The following SLC39A8 variants were observed in gnomAD, a reference collection of about 807,000 sequenced individuals.
The protein encoded by SLC39A8 is solute carrier family 39 member 8.
SLC39A8 carries 15 observed loss-of-function variants against 40.4 expected under a neutral mutation model. The ratio of observed to expected loss-of-function variants is 0.37; its 90% CI spans 0.25 to 0.57. The LOEUF is 0.57. SLC39A8 is among the 20% of genes least tolerant of loss of function. The probability of loss-of-function intolerance (pLI) is 0.75; values close to 1 mark genes in which losing one functional copy is unlikely to be tolerated. For missense variants in SLC39A8, 472 were observed against 558.8 expected (o/e 0.84, Z 1.57); for synonymous variants, 223 against 221.6 (o/e 1.01, Z -0.06).
chr4:102,342,216 T>C lies in SLC39A8; in HGVS notation c.219+2228A>G, dbSNP rs1009082274. On this transcript the variant is annotated intron_variant, in intron 2 of 8. Coordinates refer to ENST00000356736, the MANE Select transcript of SLC39A8 (RefSeq NM_001135146.2). ...GTCATCATTAGGACTTTTTAGAACA[T>C]CAGGCAAGGTACCGTGGCTCATGCC... Among the ~76,000 whole-genome samples the C allele has an allele frequency of 2.6e-5, 4 of 152,192 alleles. No individual in the cohort carries two copies. The South Asian group carries it at 8.3e-4, about 32-fold the overall frequency.
Position 102,315,733 on chromosome 4 carries a change from T to C in SLC39A8, c.317A>G (p.Gln106Arg). The C allele has an allele frequency of 6.2e-7, 1 of 1,613,452 alleles. No individual in the cohort carries two copies. The highest frequency in any genetic ancestry group is 8.5e-7 in the Non-Finnish European group (1 of 1,179,582). ...KFSVICPAVL[Q>R]QLNFHPCEDR... ...CTCACATGGGTGAAAGTTCAATTGCTGTAAGACTGCTGGACAGATGACAGA... is the reference window on the plus strand; with the variant it reads ...CTCACATGGGTGAAAGTTCAATTGCCGTAAGACTGCTGGACAGATGACAGA... Residue 106 changes from glutamine to arginine, a missense_variant, in exon 3 of 9, where the codon CAG becomes CGG. Gln to Arg is a conservative substitution (Grantham distance 43). Transcript: ENST00000356736.
At chr4:102,271,641 T>A (rs899834494) in intron 6 of SLC39A8, among the ~76,000 whole-genome samples, 6 of 152,152 alleles carry the variant, frequency 3.9e-5, no homozygotes, top group Non-Finnish European at 7.4e-5. Context: ...TCCACTGGAT[T>A]CCTCCCATTA....
At chr4:102,340,575 G>T (rs1050994894) in intron 2 of SLC39A8, among the ~76,000 whole-genome samples, 6 of 152,188 alleles carry the variant, frequency 3.9e-5, no homozygotes, top group African/African-American at 1.4e-4. Context: ...GACCAAATCA[G>T]AAAAGGACTT....
downstream of SLC39A8, chr4:102,259,565 G>T: frequency 1.5e-6 from 2 of 1,344,862 alleles, no homozygotes; most frequent in Non-Finnish European, 2.1e-6. Flanking sequence ...ATATAAATAG[G>T]AAATCAGTGA....
chr4:102,274,596 A>G (rs1732529222), intron 6 of SLC39A8, among the ~76,000 whole-genome samples: 1 of 152,212 alleles, frequency 6.6e-6, no homozygotes, highest in Non-Finnish European at 1.5e-5. Flanking sequence ...CAGGAAATAC[A>G]GAGAACACCA....
intron 3 of SLC39A8, among the ~76,000 whole-genome samples, chr4:102,311,094 T>C (rs1734407094): frequency 6.6e-6 from 1 of 152,078 alleles, no homozygotes; most frequent in Admixed American, 6.6e-5. Flanking sequence ...TGAAACTGTA[T>C]AGAATGGTGT....
chr4:102,330,795 T>C (rs1475687319), intron 2 of SLC39A8, among the ~76,000 whole-genome samples: 2 of 152,138 alleles, frequency 1.3e-5, no homozygotes, highest in African/African-American at 4.8e-5. Context: ...GGCAAACCAA[T>C]TCCAGCAGCA....
At chr4:102,296,158 C>A (rs1260350000) in intron 6 of SLC39A8, among the ~76,000 whole-genome samples, 4 of 152,052 alleles carry the variant, frequency 2.6e-5, no homozygotes, top group Non-Finnish European at 5.9e-5. Flanking sequence ...TACCTATGAG[C>A]TTTTAAAGTC....
chr4:102,262,163 A>G lies in SLC39A8; in HGVS notation c.*881T>C, dbSNP rs953407867. On this transcript the variant is annotated 3_prime_UTR_variant, in exon 9 of 9. Coordinates refer to ENST00000356736, the MANE Select transcript of SLC39A8 (RefSeq NM_001135146.2). ...TTAAAATATTCTCTGCTAAATAGTTATGTTTGTCTTTAAAAGTAAATTGCA... is the reference window on the plus strand; with the variant it reads ...TTAAAATATTCTCTGCTAAATAGTTGTGTTTGTCTTTAAAAGTAAATTGCA... The G allele has an allele frequency of 1.0e-6, 1 of 985,746 alleles. No homozygotes were observed. Among genetic ancestry groups the G allele is most frequent in the Non-Finnish European group, 1.2e-6 (1 of 829,806 alleles). 61.1% of individuals were successfully genotyped at this position (985,746 alleles called of 1,614,324 possible).
downstream of SLC39A8, among the ~76,000 whole-genome samples, chr4:102,258,474 C>T (rs371845001): frequency 1.3e-3 from 191 of 152,226 alleles, 8 homozygotes; most frequent in South Asian, 0.031. Flanking sequence ...TACTTCAAGA[C>T]ACAAACATAG....
At chr4:102,304,277 G>A (rs767297601) in intron 6 of SLC39A8, 40 bp downstream of exon 6, 5 of 1,512,634 alleles carry the variant, frequency 3.3e-6, no homozygotes, top group Non-Finnish European at 4.6e-6. Flanking sequence ...ACAGTATAAA[G>A]AATGCAGTAT....
chr4:102,267,632 T>G lies in SLC39A8; in HGVS notation c.1091A>C (p.Gln364Pro). 1 of 1,613,232 alleles carries G rather than the reference T, an allele frequency of 6.2e-7. No individual in the cohort carries two copies. The highest frequency in any genetic ancestry group is 8.5e-7 in the Non-Finnish European group (1 of 1,179,766). Residue 364 changes from glutamine to proline, a missense_variant, in exon 8 of 9, where the codon CAA (glutamine) becomes CCA (proline). Physicochemically the swap from Gln to Pro is moderately conservative, Grantham distance 76 (BLOSUM62 -1). This residue lies in a region of SLC39A8 where 239 missense variants were observed against 317.9 expected (regional missense o/e 0.75). Coordinates refer to ENST00000356736, the MANE Select transcript of SLC39A8 (RefSeq NM_001135146.2). The part of the protein sequence containing the change: ...ILLNAGMSTR[Q>P]ALLFNFLSAC... ...AGAAAGGAAGTTGAATAGCAAGGCTTGTCGAGTGCTCATCCCTGCATTGAG... is the reference window on the plus strand; with the variant it reads ...AGAAAGGAAGTTGAATAGCAAGGCTGGTCGAGTGCTCATCCCTGCATTGAG...
At chr4:102,339,792 C>T (rs551639089) in intron 2 of SLC39A8, among the ~76,000 whole-genome samples, 8 of 152,236 alleles carry the variant, frequency 5.3e-5, no homozygotes, top group African/African-American at 1.9e-4. Flanking sequence ...CAGATGGCTC[C>T]TTAGCTCCCA....
chr4:102,331,057 C>T (rs1735434929), intron 2 of SLC39A8, among the ~76,000 whole-genome samples: 1 of 152,184 alleles, frequency 6.6e-6, no homozygotes, highest in African/African-American at 2.4e-5. Context: ...GACAAGCCCA[C>T]AGCCAATATC....
In SLC39A8 at chr4:102,262,354, G is replaced by A. The variant is rs917079173; in HGVS notation, c.*690C>T. ...CAGAAAAAAAGCTATCCAGCTTTTC[G>A]TGGAATCTGGTGAAGTTTATACTTA... On this transcript the variant is annotated 3_prime_UTR_variant, in exon 9 of 9. Coordinates refer to ENST00000356736, the MANE Select transcript of SLC39A8 (RefSeq NM_001135146.2). 1.3e-5 allele frequency: 13 copies of A among 985,506 alleles called. No homozygotes were observed. The South Asian group carries it at 4.2e-4, about 32-fold the overall frequency. 61.0% of individuals were successfully genotyped at this position (985,506 alleles called of 1,614,324 possible).
chr4:102,302,596 C>T (rs912361047), intron 6 of SLC39A8, among the ~76,000 whole-genome samples: 13 of 151,948 alleles, frequency 8.6e-5, no homozygotes, highest in African/African-American at 2.9e-4. Flanking sequence ...AGAGCAGCAA[C>T]ATAAGGAAGG....
chr4:102,294,087 T>G (rs1733583034), intron 6 of SLC39A8, among the ~76,000 whole-genome samples: 1 of 151,936 alleles, frequency 6.6e-6, no homozygotes, highest in Non-Finnish European at 1.5e-5. Flanking sequence ...AAATTAAACT[T>G]AAAATTTTTG....
At chr4:102,290,409 G>T (rs562718924) in intron 6 of SLC39A8, among the ~76,000 whole-genome samples, 2 of 152,226 alleles carry the variant, frequency 1.3e-5, no homozygotes, top group African/African-American at 4.8e-5. Flanking sequence ...ACCGACTATG[G>T]TTCAGAGAAT....
intron 8 of SLC39A8, among the ~76,000 whole-genome samples, chr4:102,266,597 T>TAC (rs1386821407): frequency 1.3e-5 from 2 of 151,866 alleles, no homozygotes; most frequent in Non-Finnish European, 2.9e-5. Flanking sequence ...TTCTCTCTCT[T>TAC]ACACACACAC....
Sources: allele counts gnomAD v4.1 joint callset (sites outside exome capture counted in the v4.1 genomes callset), GRCh38; gene constraint gnomAD v4.1.1; regional missense constraint gnomAD v4.1.1; transcripts MANE v1.5; gene names NCBI Gene and HGNC (gene_info 2026-07-23, HGNC 2026-07-21).